PDE7B: variants seen among roughly 807,000 people sequenced by gnomAD.
PDE7B encodes phosphodiesterase 7B, also known as 3',5'-cyclic-AMP phosphodiesterase 7B.
In PDE7B, 29 loss-of-function variants were observed where a neutral mutation model predicts 56.2. The observed-to-expected ratio is 0.52, with a 90% CI of 0.38 to 0.70. PDE7B has a LOEUF of 0.70. Ranked by LOEUF, PDE7B falls within the 30% of genes least tolerant of loss-of-function variation. The pLI is 0.00. For missense variants in PDE7B, 490 were observed against 565.0 expected (o/e 0.87, Z 1.35); for synonymous variants, 197 against 196.9 (o/e 1.00, Z 0.00).
chr6:136,149,702 A>G (rs974106379), intron 5 of PDE7B, among the ~76,000 whole-genome samples: 9 of 152,340 alleles, frequency 5.9e-5, no homozygotes, highest in South Asian at 2.1e-4. Flanking sequence ...TTGTGCCTAT[A>G]AAGACCTTCC....
At chr6:136,026,958 G>A (rs1381700016) in intron 2 of PDE7B, among the ~76,000 whole-genome samples, 10 of 152,174 alleles carry the variant, frequency 6.6e-5, no homozygotes, top group Admixed American at 6.5e-4. Context: ...TGGGACCTAT[G>A]GGAAGTAATA....
chr6:135,942,918 C>T (rs1321581102), intron 1 of PDE7B, among the ~76,000 whole-genome samples: 1 of 152,068 alleles, frequency 6.6e-6, no homozygotes, highest in Non-Finnish European at 1.5e-5. Flanking sequence ...TTGATGAACA[C>T]TCAGTTGGCC....
chr6:135,980,372 C>T (rs1295409807), intron 2 of PDE7B, among the ~76,000 whole-genome samples: 9 of 152,130 alleles, frequency 5.9e-5, no homozygotes, highest in Non-Finnish European at 1.5e-5. Flanking sequence ...ATTCAGGACA[C>T]AGGCATGGGC....
intron 2 of PDE7B, among the ~76,000 whole-genome samples, chr6:136,050,254 T>C (rs1053772431): frequency 2.6e-5 from 4 of 152,238 alleles, no homozygotes; most frequent in Non-Finnish European, 5.9e-5. Context: ...AAGAGTTAGA[T>C]GTTTACATGT....
chr6:135,909,437 A>G (rs549103131), intron 1 of PDE7B, among the ~76,000 whole-genome samples: 3 of 152,196 alleles, frequency 2.0e-5, no homozygotes, highest in African/African-American at 7.2e-5. Context: ...CAATGTGGCG[A>G]AACTCCAAAA....
chr6:135,954,280 C>G (rs556489293), intron 2 of PDE7B, among the ~76,000 whole-genome samples: 1 of 152,098 alleles, frequency 6.6e-6, no homozygotes, highest in Non-Finnish European at 1.5e-5. Context: ...CTGCCCAGCC[C>G]CTAAGAGGAA....
intron 1 of PDE7B, 95 bp downstream of exon 1, chr6:135,852,114 A>G (rs368741234): frequency 1.2e-6 from 1 of 855,010 alleles, no homozygotes. Flanking sequence ...GAACCTGTAC[A>G]TATATATGTT....
At chr6:136,068,950 T>C (rs1776998321) in intron 2 of PDE7B, among the ~76,000 whole-genome samples, 1 of 152,212 alleles carries the variant, frequency 6.6e-6, no homozygotes, top group Admixed American at 6.5e-5. Context: ...CTCATGTTAG[T>C]ATCTTATTGC....
chr6:136,079,245 A>G (rs1777169833), intron 2 of PDE7B, among the ~76,000 whole-genome samples: 2 of 152,146 alleles, frequency 1.3e-5, no homozygotes, highest in Non-Finnish European at 2.9e-5. Context: ...ACAATGAGAT[A>G]AACTTCCATC....
At chr6:136,100,011 C>A (rs891976530) in intron 2 of PDE7B, among the ~76,000 whole-genome samples, 3 of 152,178 alleles carry the variant, frequency 2.0e-5, no homozygotes, top group Non-Finnish European at 4.4e-5. Flanking sequence ...GTTTTCCCAG[C>A]ACTATTTATT....
intron 1 of PDE7B, among the ~76,000 whole-genome samples, chr6:135,928,505 A>T (rs866469663): frequency 1.1e-4 from 15 of 132,120 alleles, no homozygotes; most frequent in African/African-American, 3.8e-4. Context: ...ATATATTTAT[A>T]TATATATATT....
intron 2 of PDE7B, among the ~76,000 whole-genome samples, chr6:136,098,854 C>T (rs1422913908): frequency 1.3e-5 from 2 of 151,952 alleles, no homozygotes; most frequent in Admixed American, 1.3e-4. Flanking sequence ...TATACACGTA[C>T]CATGTTGGTT....
intron 2 of PDE7B, among the ~76,000 whole-genome samples, chr6:135,964,241 C>G (rs896595995): frequency 2.0e-5 from 3 of 151,758 alleles, no homozygotes; most frequent in Admixed American, 2.0e-4. Context: ...GTAGCTGGGA[C>G]TACAGGTGCA....
At chr6:135,854,065 A>G (rs1262094075) in intron 1 of PDE7B, among the ~76,000 whole-genome samples, 1 of 152,230 alleles carries the variant, frequency 6.6e-6, no homozygotes, top group Non-Finnish European at 1.5e-5. Flanking sequence ...CTTTATTTTC[A>G]GCCTAAGGAC....
chr6:135,871,056 A>T (rs1775370068), intron 1 of PDE7B, among the ~76,000 whole-genome samples: 1 of 152,104 alleles, frequency 6.6e-6, no homozygotes, highest in African/African-American at 2.4e-5. Context: ...TCCAGTTTGG[A>T]CCCTGATGAC....
intron 1 of PDE7B, among the ~76,000 whole-genome samples, chr6:135,911,045 A>C (rs917295286): frequency 6.6e-6 from 1 of 152,216 alleles, no homozygotes; most frequent in Non-Finnish European, 1.5e-5. Flanking sequence ...GTGTACATAA[A>C]TCTTTCACAG....
chr6:136,054,970 A>T (rs1776704424), intron 2 of PDE7B, among the ~76,000 whole-genome samples: 1 of 152,200 alleles, frequency 6.6e-6, no homozygotes, highest in African/African-American at 2.4e-5. Context: ...ATTACCTCCC[A>T]CCAGGTCCCT....
intron 2 of PDE7B, among the ~76,000 whole-genome samples, chr6:135,971,993 G>T (rs1476243075): frequency 6.6e-6 from 1 of 152,070 alleles, no homozygotes; most frequent in African/African-American, 2.4e-5. Flanking sequence ...CCAGCACTTT[G>T]GGAGGCAGAG....
intron 2 of PDE7B, among the ~76,000 whole-genome samples, chr6:136,062,127 A>G (rs1429395430): frequency 1.3e-5 from 2 of 152,218 alleles, no homozygotes; most frequent in East Asian, 3.8e-4. Flanking sequence ...GAACTAAACC[A>G]TGTTCTAAAG....
Sources: gnomAD v4.1 joint callset for allele counts (sites outside exome capture counted in the v4.1 genomes callset) on GRCh38, gnomAD v4.1.1 for gene constraint, MANE v1.5 for transcripts, NCBI Gene and HGNC (gene_info 2026-07-23, HGNC 2026-07-21) for gene names.